Variants in CFDP1 observed in about 807,000 individuals in gnomAD.
CFDP1 encodes heterochromatin-stabilizing protein CFDP1.
In CFDP1, 31 loss-of-function variants were observed where a neutral mutation model predicts 40.1. That is an observed-to-expected ratio of 0.77 (90% CI 0.58 to 1.04). The LOEUF (loss-of-function observed/expected upper bound fraction) is 1.04. Ranked by LOEUF, CFDP1 falls within the 50% of genes least tolerant of loss-of-function variation. The pLI, the probability that CFDP1 is intolerant of heterozygous loss-of-function variation, is 0.00. For missense variants in CFDP1, 423 were observed against 343.4 expected (o/e 1.23, Z -1.83); for synonymous variants, 167 against 120.0 (o/e 1.39, Z -2.56).
At position 75,433,463 on chromosome 16, in the gene CFDP1, CG is replaced by C. The variant is rs1312024416; in HGVS notation, c.-112del. 1 of 1,004,434 alleles carries C rather than the reference CG, an allele frequency of 1.0e-6. No homozygotes were observed. Among genetic ancestry groups the C allele is most frequent in the Non-Finnish European group, 1.5e-6 (1 of 668,234 alleles). 62.2% of individuals were successfully genotyped at this position (1,004,434 alleles called of 1,614,324 possible). The stretch of plus-strand genomic sequence containing the variant: ...CCGGCGGCGGCGACGGCAGCTAGGG[CG>C]GCCCCCGACAGCGCTTTGCACATGC... On this transcript the variant is annotated 5_prime_UTR_variant, in exon 1 of 7. An upstream open reading frame in the 5' UTR gains an earlier in-frame stop. Coordinates refer to ENST00000283882, the MANE Select transcript of CFDP1 (RefSeq NM_006324.3).
At chr16:75,430,791 C>CT (rs1223858449) in intron 1 of CFDP1, among the ~76,000 whole-genome samples, 2 of 152,110 alleles carry the variant, frequency 1.3e-5, no homozygotes, top group African/African-American at 4.8e-5. Context: ...ACAGATGAAG[C>CT]TTTTAGCAGA....
intron 5 of CFDP1, among the ~76,000 whole-genome samples, chr16:75,307,391 A>G (rs557395802): frequency 9.9e-5 from 15 of 151,606 alleles, no homozygotes; most frequent in Middle Eastern, 3.4e-3. Flanking sequence ...AATTTTTTGT[A>G]TTTTTAGTAG....
intron 5 of CFDP1, among the ~76,000 whole-genome samples, chr16:75,307,247 C>G (rs2078264988): frequency 6.6e-6 from 1 of 151,754 alleles, no homozygotes; most frequent in Non-Finnish European, 1.5e-5. Flanking sequence ...CGGAGTTTCT[C>G]TCTTGTTGCC....
At chr16:75,385,568 G>A (rs1041031157) in intron 5 of CFDP1, among the ~76,000 whole-genome samples, 1 of 151,882 alleles carries the variant, frequency 6.6e-6, no homozygotes, top group Admixed American at 6.6e-5. Flanking sequence ...AAAGAAAAAA[G>A]TAGAAACTGC....
intron 4 of CFDP1, among the ~76,000 whole-genome samples, chr16:75,401,544 G>T (rs2079054122): frequency 6.6e-6 from 1 of 151,988 alleles, no homozygotes; most frequent in South Asian, 2.1e-4. Flanking sequence ...AGGTTTCAGT[G>T]AGCTGAGATA....
At chr16:75,346,400 G>A (rs1348954356) in intron 5 of CFDP1, among the ~76,000 whole-genome samples, 1 of 151,812 alleles carries the variant, frequency 6.6e-6, no homozygotes, top group African/African-American at 2.4e-5. Flanking sequence ...TGGCTAACAC[G>A]GTGAAATCCC....
Position 75,348,921 on chromosome 16 carries a change from T to C in CFDP1, c.651-43739A>G, listed in dbSNP as rs190445687. ...GCTGTCTGCCACCCAGGCTGGAGTA[T>C]AGTGGTACGATCACAGCTCACTGCA... is the stretch of plus-strand genomic sequence containing the variant. On this transcript the variant is annotated intron_variant, in intron 5 of 6. Transcript: ENST00000283882. 2.7e-3 allele frequency among the ~76,000 whole-genome samples: 408 copies of C among 152,264 alleles called. 3 individuals carry two copies. The highest frequency in any genetic ancestry group is 1.0e-2 in the South Asian group (48 of 4,822).
intron 4 of CFDP1, among the ~76,000 whole-genome samples, chr16:75,403,216 C>T (rs542062901): frequency 3.3e-5 from 5 of 151,898 alleles, no homozygotes; most frequent in African/African-American, 7.3e-5. Flanking sequence ...TTAATTTGAC[C>T]GAAAATTTAT....
At chr16:75,366,981 TG>T (rs2078718722) in intron 5 of CFDP1, among the ~76,000 whole-genome samples, 1 of 151,816 alleles carries the variant, frequency 6.6e-6, no homozygotes, top group South Asian at 2.1e-4. Context: ...CTGGCCAACA[TG>T]GCAAAACCCT....
At chr16:75,372,986 A>G (rs2151541268) in intron 5 of CFDP1, among the ~76,000 whole-genome samples, 1 of 152,338 alleles carries the variant, frequency 6.6e-6, no homozygotes, top group Non-Finnish European at 1.5e-5. Flanking sequence ...TTGTTGTTTT[A>G]AAGGAGTTCC....
chr16:75,366,538 G>A (rs1019223864), intron 5 of CFDP1, among the ~76,000 whole-genome samples: 2 of 151,852 alleles, frequency 1.3e-5, no homozygotes, highest in Admixed American at 1.3e-4. Context: ...CAAGAGAATC[G>A]CTTGAACATG....
At chr16:75,407,175 C>G (rs921706741) in intron 4 of CFDP1, among the ~76,000 whole-genome samples, 1 of 152,096 alleles carries the variant, frequency 6.6e-6, no homozygotes, top group East Asian at 1.9e-4. Flanking sequence ...CAACCACACT[C>G]CAACCCGAGT....
intron 1 of CFDP1, among the ~76,000 whole-genome samples, chr16:75,425,580 C>A (rs1245143513): frequency 6.9e-6 from 1 of 145,816 alleles, no homozygotes; most frequent in Non-Finnish European, 1.5e-5. Flanking sequence ...GTTCACTTTA[C>A]AGAAATACAA....
intron 5 of CFDP1, among the ~76,000 whole-genome samples, chr16:75,317,431 C>T (rs1440894219): frequency 6.6e-6 from 1 of 152,204 alleles, no homozygotes; most frequent in Non-Finnish European, 1.5e-5. Context: ...CACCATTTCA[C>T]AGCAGTGTGG....
chr16:75,295,457 A>G lies in CFDP1; in HGVS notation c.810-1415T>C, dbSNP rs981201811. 2.6e-5 allele frequency among the ~76,000 whole-genome samples: 4 copies of G among 152,268 alleles called. No homozygotes were observed. In the East Asian group the frequency reaches 5.8e-4, roughly 22 times the overall value. ...GACTGTTGTGTGGATTAAATAAAAT[A>G]GTGTCTACATCACACAGGGCACAGA... On this transcript the variant is annotated intron_variant, in intron 6 of 6. Coordinates refer to ENST00000283882, the MANE Select transcript of CFDP1 (RefSeq NM_006324.3).
chr16:75,309,843 A>AAAAC (rs1226823327), intron 5 of CFDP1, among the ~76,000 whole-genome samples: 5 of 151,218 alleles, frequency 3.3e-5, no homozygotes, highest in African/African-American at 4.8e-5. Flanking sequence ...AAAAAAAAAA[A>AAAAC]AACCAATCCA....
chr16:75,385,698 G>C (rs72787138), intron 5 of CFDP1, among the ~76,000 whole-genome samples: 4,916 of 152,180 alleles, frequency 0.032, 112 homozygotes, highest in Non-Finnish European at 0.053. Context: ...TGCCAAAGAC[G>C]AGCTATCTTT....
chr16:75,405,104 GA>G (rs2079087163), intron 4 of CFDP1, among the ~76,000 whole-genome samples: 1 of 152,180 alleles, frequency 6.6e-6, no homozygotes, highest in Admixed American at 6.5e-5. Context: ...CTCAAGACAT[GA>G]GCAGTGGGCC....
rs149035906 is a variant in CFDP1 at position 75,295,319 on chromosome 16, T to C, written c.810-1277A>G. On this transcript the variant is annotated intron_variant, in intron 6 of 6. Coordinates refer to ENST00000283882, the MANE Select transcript of CFDP1 (RefSeq NM_006324.3). ...GCTCTGAGGCCAGAGGGCTGGAGGTTTGAGTTCTGTCATTTGCTGTCTGTG... is the reference window on the plus strand; with the variant it reads ...GCTCTGAGGCCAGAGGGCTGGAGGTCTGAGTTCTGTCATTTGCTGTCTGTG... Among the ~76,000 whole-genome samples the C allele has an allele frequency of 6.6e-3, 1,011 of 152,278 alleles. 11 individuals carry two copies. The highest frequency in any genetic ancestry group is 0.017 in the Middle Eastern group (5 of 294).
Sources: gnomAD v4.1 joint callset for allele counts (sites outside exome capture counted in the v4.1 genomes callset) on GRCh38, gnomAD v4.1.1 for gene constraint, MANE v1.5 for transcripts, NCBI Gene and HGNC (gene_info 2026-07-23, HGNC 2026-07-21) for gene names.